The following EDIL3 variants were observed in gnomAD, a reference collection of about 807,000 sequenced individuals.
The protein encoded by EDIL3 is EGF-like repeat and discoidin I-like domain-containing protein 3.
Under a neutral mutation model 67.4 loss-of-function variants are expected in EDIL3, and 37 were observed. The observed-to-expected ratio is 0.55, with a 90% confidence interval of 0.42 to 0.72. The LOEUF is 0.72. Among genes scored for constraint, EDIL3 ranks in the 30% least tolerant of loss-of-function variants. EDIL3 has a pLI of 0.00. For synonymous variants in EDIL3, 195 were observed against 196.3 expected (o/e 0.99, Z 0.05); for missense variants, 527 against 586.3 (o/e 0.90, Z 1.04).
chr5:84,282,127 T>G (rs1745718108), intron 1 of EDIL3, among the ~76,000 whole-genome samples: 1 of 151,868 alleles, frequency 6.6e-6, no homozygotes, highest in Non-Finnish European at 1.5e-5. Flanking sequence ...CACCTCAGCC[T>G]CCCAAAGTGC....
intron 9 of EDIL3, among the ~76,000 whole-genome samples, chr5:83,984,618 A>G (rs1170799093): frequency 6.6e-6 from 1 of 151,958 alleles, no homozygotes; most frequent in African/African-American, 2.4e-5. Flanking sequence ...ACTGTCTAGG[A>G]CTCTGGGAGG....
intron 3 of EDIL3, among the ~76,000 whole-genome samples, chr5:84,181,395 C>T (rs163716): frequency 0.36 from 54,937 of 152,016 alleles, 10,449 homozygotes; most frequent in South Asian, 0.49. Flanking sequence ...GGGCATAGAG[C>T]TAGCTGGGCC....
At chr5:84,375,571 T>C (rs1238706847) in intron 1 of EDIL3, among the ~76,000 whole-genome samples, 1 of 152,184 alleles carries the variant, frequency 6.6e-6, no homozygotes, top group Non-Finnish European at 1.5e-5. Flanking sequence ...AAAAACCTTG[T>C]TAACCTCTAA....
chr5:84,033,704 TAA>T (rs71605889), intron 9 of EDIL3, among the ~76,000 whole-genome samples: 25 of 92,802 alleles, frequency 2.7e-4, no homozygotes, highest in Middle Eastern at 6.1e-3. Context: ...ACATTGTCTC[TAA>T]AAAAAAAAAA....
chr5:83,955,289 G>C (rs1744494814), intron 10 of EDIL3, among the ~76,000 whole-genome samples: 1 of 151,656 alleles, frequency 6.6e-6, no homozygotes, highest in Non-Finnish European at 1.5e-5. Flanking sequence ...TGAGCACTGG[G>C]AAAAGTAAGG....
chr5:84,115,819 T>G (rs937868995), intron 5 of EDIL3, among the ~76,000 whole-genome samples: 2 of 152,230 alleles, frequency 1.3e-5, no homozygotes, highest in African/African-American at 4.8e-5. Flanking sequence ...CTAAGAAGGG[T>G]ATAATGCCAA....
At chr5:84,310,297 T>C (rs1428132119) in intron 1 of EDIL3, among the ~76,000 whole-genome samples, 1 of 152,144 alleles carries the variant, frequency 6.6e-6, no homozygotes, top group East Asian at 1.9e-4. Context: ...TTAATGAAGG[T>C]AATTTATCCA....
intron 6 of EDIL3, among the ~76,000 whole-genome samples, chr5:84,074,017 A>G (rs1746800665): frequency 6.6e-6 from 1 of 152,054 alleles, no homozygotes; most frequent in Admixed American, 6.6e-5. Flanking sequence ...TCAATGGAAC[A>G]GAACAGAGCC....
At chr5:84,174,084 A>C (rs560954908) in intron 4 of EDIL3, among the ~76,000 whole-genome samples, 27 of 152,306 alleles carry the variant, frequency 1.8e-4, no homozygotes, top group African/African-American at 6.5e-4. Context: ...CCTGCTGAAG[A>C]CATGGCATGG....
intron 3 of EDIL3, among the ~76,000 whole-genome samples, chr5:84,209,912 T>C (rs2112388468): frequency 6.6e-6 from 1 of 152,330 alleles, no homozygotes; most frequent in East Asian, 1.9e-4. Context: ...CATTTCTATA[T>C]CACACTGAGA....
chr5:84,010,917 T>A (rs1745506722), intron 9 of EDIL3, among the ~76,000 whole-genome samples: 1 of 152,076 alleles, frequency 6.6e-6, no homozygotes, highest in Non-Finnish European at 1.5e-5. Flanking sequence ...CAAAGTAAAT[T>A]CACCCCAATG....
At chr5:84,223,868 A>G (rs1293901337) in intron 3 of EDIL3, among the ~76,000 whole-genome samples, 1 of 151,570 alleles carries the variant, frequency 6.6e-6, no homozygotes, top group Non-Finnish European at 1.5e-5. Flanking sequence ...TTAACACATC[A>G]CATTGTATAC....
intron 1 of EDIL3, among the ~76,000 whole-genome samples, chr5:84,341,577 T>C (rs895930562): frequency 1.3e-5 from 2 of 152,134 alleles, no homozygotes; most frequent in Non-Finnish European, 2.9e-5. Context: ...GCATTGCCCA[T>C]GTAATTATTT....
intron 3 of EDIL3, among the ~76,000 whole-genome samples, chr5:84,184,716 C>T (rs1190839052): frequency 6.6e-6 from 1 of 152,156 alleles, no homozygotes; most frequent in African/African-American, 2.4e-5. Context: ...ACAGCGGTTT[C>T]TTAAGTCCCA....
chr5:84,176,199 A>T (rs1405859698), intron 4 of EDIL3, among the ~76,000 whole-genome samples: 4 of 2,704 alleles, frequency 1.5e-3, no homozygotes, highest in South Asian at 0.015. Flanking sequence ...TATATATATA[A>T]TATATATATA....
intron 9 of EDIL3, among the ~76,000 whole-genome samples, chr5:84,039,607 T>G (rs1321460919): frequency 6.6e-6 from 1 of 152,164 alleles, no homozygotes; most frequent in Non-Finnish European, 1.5e-5. Flanking sequence ...CATCATAACT[T>G]AGATCAATTA....
At chr5:84,366,982 G>T (rs1747751526) in intron 1 of EDIL3, among the ~76,000 whole-genome samples, 1 of 152,062 alleles carries the variant, frequency 6.6e-6, no homozygotes, top group Non-Finnish European at 1.5e-5. Context: ...ATCCACAATG[G>T]CACAAACATA....
chr5:84,208,138 A>G lies in EDIL3; in HGVS notation c.226+21717T>C, dbSNP rs1009055668. ...CTACAAAATGGGAGAAAATTTTCGC[A>G]ACCTACTCATCTGACAGAGGGCTAA... is the stretch of plus-strand genomic sequence containing the variant. On this transcript the variant is annotated intron_variant, in intron 3 of 10. Coordinates refer to ENST00000296591, the MANE Select transcript of EDIL3 (RefSeq NM_005711.5). Among the ~76,000 whole-genome samples, 1,050 of 152,244 alleles carry G rather than the reference A, an allele frequency of 6.9e-3. 10 individuals are homozygous for G. Among genetic ancestry groups the G allele is most frequent in the African/African-American group, 0.024 (982 of 41,536 alleles).
chr5:84,149,011 GACA>G, intron 4 of EDIL3, among the ~76,000 whole-genome samples: 2 of 148,106 alleles, frequency 1.4e-5, no homozygotes, highest in South Asian at 4.3e-4. Context: ...AAATACGTGA[GACA>G]ACAGTGTTGA....
Sources: allele counts gnomAD v4.1 joint callset (sites outside exome capture counted in the v4.1 genomes callset), GRCh38; gene constraint gnomAD v4.1.1; transcripts MANE v1.5; gene names NCBI Gene and HGNC (gene_info 2026-07-23, HGNC 2026-07-21).